The following JMJD6 variants were observed in gnomAD, a reference collection of about 807,000 sequenced individuals.
JMJD6 encodes jumonji domain containing 6, arginine demethylase and lysine hydroxylase, also known as bifunctional arginine demethylase and lysyl-hydroxylase JMJD6.
JMJD6 carries 17 observed loss-of-function variants against 45.8 expected under a neutral mutation model. The observed-to-expected ratio is 0.37, with a 90% CI of 0.25 to 0.56. JMJD6 has a LOEUF of 0.56. Ranked by LOEUF, JMJD6 falls within the 20% of genes least tolerant of loss-of-function variation. JMJD6 has a pLI of 0.79. For synonymous variants in JMJD6, 221 were observed against 196.3 expected (o/e 1.13, Z -1.05); for missense variants, 470 against 517.5 (o/e 0.91, Z 0.89).
chr17:76,713,978 G>C (rs1490860588), downstream of JMJD6: 1 of 152,234 alleles, frequency 6.6e-6, no homozygotes, highest in African/African-American at 2.4e-5. Context: ...ACCTGGGCTT[G>C]TCACCGTTAT....
At chr17:76,726,249 G>T (rs895288505) in intron 1 of JMJD6, 98 bp downstream of exon 1, 1 of 1,421,746 alleles carries the variant, frequency 7.0e-7, no homozygotes, top group Non-Finnish European at 9.2e-7. Flanking sequence ...ACGAGGTCCC[G>T]GGCGCTCGGG....
intron 1 of JMJD6, 123 bp downstream of exon 1, chr17:76,726,224 T>G: frequency 7.7e-7 from 1 of 1,298,502 alleles, no homozygotes; most frequent in African/African-American, 1.6e-5. Context: ...CTCCGCGGGG[T>G]GCGGGTGAGC....
chr17:76,719,511 A>C (rs1598375132), intron 5 of JMJD6, among the ~76,000 whole-genome samples: 1 of 151,308 alleles, frequency 6.6e-6, no homozygotes, highest in South Asian at 2.1e-4. Flanking sequence ...CTGGTCTTGA[A>C]CTCCTGACCT....
At chr17:76,724,795 C>A (rs2005827) in intron 2 of JMJD6, among the ~76,000 whole-genome samples, 70,060 of 150,326 alleles carry the variant, frequency 0.47, 19,687 homozygotes, top group East Asian at 0.62. Flanking sequence ...CCAGCTTGGA[C>A]GACAGAGGGA....
chr17:76,719,272 T>C (rs1251802027), intron 5 of JMJD6, among the ~76,000 whole-genome samples: 1 of 144,988 alleles, frequency 6.9e-6, no homozygotes, highest in African/African-American at 2.6e-5. Context: ...ACTCAATCAG[T>C]AGACTGTGTG....
chr17:76,725,971 T>C, intron 1 of JMJD6, 116 bp from the exon 2 acceptor site: 2 of 1,310,544 alleles, frequency 1.5e-6, no homozygotes, highest in East Asian at 2.5e-5. Context: ...GACTCTCGTC[T>C]GGCTCCTCCG....
intron 1 of JMJD6, 82 bp from the exon 2 acceptor site, chr17:76,725,937 G>A (rs1483747462): frequency 3.4e-6 from 5 of 1,461,332 alleles, no homozygotes; most frequent in Non-Finnish European, 1.8e-6. Context: ...AAGGCCAACT[G>A]GTAATGACAA....
rs1192843124 is a variant in JMJD6, at chr17:76,720,378, C to T, written c.1062G>A (p.Ser354=). 1.3e-5 allele frequency: 21 copies of T among 1,613,988 alleles called. No individual in the cohort carries two copies. The highest frequency in any genetic ancestry group is 2.7e-5 in the African/African-American group (2 of 74,900). ...GCCTCACCTCTGAGTCGGAGTCTGA[C>T]GAACTGGAGCTGGAGGAGCTGGAAG... ...SDSSSSSSSS[S]SDSDSECESG... is the part of the protein sequence containing the mutation. Residue 354 remains serine, a synonymous_variant, in exon 5 of 6, where the codon TCG becomes TCA. Coordinates refer to ENST00000397625, the MANE Select transcript of JMJD6 (RefSeq NM_015167.3).
In JMJD6 at chr17:76,718,634, G is replaced by GC. The variant is rs555582060; in HGVS notation, c.*94dup. 2.1e-5 allele frequency: 32 copies of GC among 1,518,388 alleles called. 1 individual carries two copies. In the South Asian group the frequency reaches 4.1e-4, roughly 19 times the overall value. The allele number at this position is 1,518,388 out of a possible 1,614,324, so 94.1% of individuals were successfully genotyped here. A position where few individuals can be genotyped will look rare whatever the true frequency, so the allele number is the denominator to read the frequency against. ...TGTCCTCATTCTTGGGCTCTGTCAGGCCTCCCCTTGTCTGCAGGACTGGAC... is the reference window on the plus strand; with the variant it reads ...TGTCCTCATTCTTGGGCTCTGTCAGGCCCTCCCCTTGTCTGCAGGACTGGAC... On this transcript the variant is annotated 3_prime_UTR_variant, in exon 6 of 6. Transcript: ENST00000397625.
chr17:76,725,409 A>AG (rs2076901592), intron 2 of JMJD6, 58 bp downstream of exon 2: 5 of 1,117,094 alleles, frequency 4.5e-6, no homozygotes, highest in Non-Finnish European at 5.8e-6. Flanking sequence ...TCTGTCTCAA[A>AG]AAAAAAAAAA....
downstream of JMJD6, among the ~76,000 whole-genome samples, chr17:76,717,381 T>C (rs773445129): frequency 4.3e-4 from 66 of 152,018 alleles, no homozygotes; most frequent in Non-Finnish European, 7.2e-4. Flanking sequence ...TCCAACAACC[T>C]CTCTTAACAC....
chr17:76,715,968 A>G (rs2076760955), downstream of JMJD6: 1 of 152,240 alleles, frequency 6.6e-6, no homozygotes, highest in African/African-American at 2.4e-5. Context: ...TATGGATCCC[A>G]TGGTGCGGAA....
Position 76,726,236 on chromosome 17 carries a change from T to TAGGC in JMJD6, c.129+110_129+111insGCCT, listed in dbSNP as rs2076929081. 3.6e-6 allele frequency: 5 copies of TAGGC among 1,375,510 alleles called. No individual in the cohort carries two copies. In the Admixed American group the frequency reaches 1.5e-4, roughly 42 times the overall value. The allele number at this position is 1,375,510 out of a possible 1,614,324, so 85.2% of individuals were successfully genotyped here. On this transcript the variant is annotated intron_variant, in intron 1 of 5. Coordinates refer to ENST00000397625, the MANE Select transcript of JMJD6 (RefSeq NM_015167.3). ...AAACTCCGCGGGGTGCGGGTGAGCC[T>TAGGC]CTACGAGGTCCCGGGCGCTCGGGGC...
intron 5 of JMJD6, among the ~76,000 whole-genome samples, chr17:76,719,501 C>A (rs184790897): frequency 3.2e-4 from 49 of 152,232 alleles, no homozygotes; most frequent in Middle Eastern, 3.4e-3. Context: ...GTTGGCCAGG[C>A]TGGTCTTGAA....
rs1460659745 is a variant in JMJD6, at chr17:76,718,827, G to A, written c.1114C>T (p.His372Tyr). The A allele has an allele frequency of 1.9e-6, 3 of 1,614,104 alleles. No homozygotes were observed. The highest frequency in any genetic ancestry group is 1.7e-6 in the Non-Finnish European group (2 of 1,180,050). The part of the protein sequence containing the change: ...ESGSEGDGTV[H>Y]RRKKRRTCSM... ...CACGTCCTCCTCTTCTTCCTGCGGT[G>A]CACTGTCCCATCGCCCTCGGATCCA... Residue 372 changes from histidine to tyrosine, a missense_variant, in exon 6 of 6, where the codon CAC becomes TAC. By Grantham distance (83) the His-to-Tyr change is moderately conservative. This residue lies in a region of JMJD6 where 45 missense variants were observed against 37.2 expected (regional missense o/e 1.21). Coordinates refer to ENST00000397625, the MANE Select transcript of JMJD6 (RefSeq NM_015167.3).
chr17:76,725,382 G>C, intron 2 of JMJD6, 85 bp downstream of exon 2: 1 of 1,306,324 alleles, frequency 7.7e-7, no homozygotes, highest in Non-Finnish European at 1.0e-6. Context: ...CTGCAGCCTG[G>C]GCTACAAGAG....
chr17:76,718,611 T>C lies in JMJD6; in HGVS notation c.*118A>G, dbSNP rs1385507013. On this transcript the variant is annotated 3_prime_UTR_variant, in exon 6 of 6. Transcript: ENST00000397625. ...TGAATGGGTTCCCGTGCCGAGGGTGTCCTCATTCTTGGGCTCTGTCAGGCC... is the reference window on the plus strand; with the variant it reads ...TGAATGGGTTCCCGTGCCGAGGGTGCCCTCATTCTTGGGCTCTGTCAGGCC... 1.3e-6 allele frequency: 2 copies of C among 1,485,908 alleles called. No homozygotes were observed. 92.0% of individuals were successfully genotyped at this position (1,485,908 alleles called of 1,614,324 possible).
At chr17:76,718,296 G>A (rs576255345), downstream of JMJD6, 2 of 376,482 alleles carry the variant, frequency 5.3e-6, no homozygotes, top group East Asian at 6.6e-5. Flanking sequence ...AGAAGATGCC[G>A]GGTGACTTTT....
intron 1 of JMJD6, 30 bp from the exon 2 acceptor site, chr17:76,725,885 T>TAA (rs376352692): frequency 2.7e-4 from 381 of 1,399,548 alleles, no homozygotes; most frequent in East Asian, 4.3e-4. Context: ...CCTGTCCAGT[T>TAA]AAAAAAAAAA....
Sources: allele counts gnomAD v4.1 joint callset (sites outside exome capture counted in the v4.1 genomes callset), GRCh38; gene constraint gnomAD v4.1.1; regional missense constraint gnomAD v4.1.1; transcripts MANE v1.5; gene names NCBI Gene and HGNC (gene_info 2026-07-23, HGNC 2026-07-21).